CRIM1: variants seen among roughly 807,000 people sequenced by gnomAD.
The protein encoded by CRIM1 is cysteine-rich motor neuron 1 protein.
CRIM1 carries 32 observed loss-of-function variants against 116.4 expected under a neutral mutation model. That is an observed-to-expected ratio of 0.27 (90% confidence interval 0.21 to 0.37). CRIM1 has a LOEUF of 0.37. Ranked by LOEUF, CRIM1 falls within the 10% of genes least tolerant of loss-of-function variation. The probability of loss-of-function intolerance (pLI) is 1.00; values close to 1 mark genes in which losing one functional copy is unlikely to be tolerated. For missense variants in CRIM1, 1,331 were observed against 1,354.8 expected, an observed-to-expected ratio of 0.98 and a Z score of 0.28; for synonymous variants, 590 against 509.2, an observed-to-expected ratio of 1.16 and a Z score of -2.13.
intron 1 of CRIM1, among the ~76,000 whole-genome samples, chr2:36,386,686 A>C (rs899380239): frequency 2.6e-5 from 4 of 152,228 alleles, no homozygotes; most frequent in African/African-American, 9.6e-5. Context: ...GTAGATCGTT[A>C]GTTTCAAAGA....
chr2:36,390,805 C>T (rs1369825290), intron 1 of CRIM1, among the ~76,000 whole-genome samples: 1 of 151,960 alleles, frequency 6.6e-6, no homozygotes, highest in Non-Finnish European at 1.5e-5. Context: ...GCTCCTGATA[C>T]TTATTTTTAT....
At chr2:36,427,812 C>G (rs374118151) in intron 2 of CRIM1, among the ~76,000 whole-genome samples, 1 of 152,320 alleles carries the variant, frequency 6.6e-6, no homozygotes, top group Admixed American at 6.5e-5. Context: ...CCCTTGTATT[C>G]CATCTTGCAG....
At chr2:36,445,722 G>A (rs1676190657) in intron 4 of CRIM1, among the ~76,000 whole-genome samples, 1 of 152,074 alleles carries the variant, frequency 6.6e-6, no homozygotes. Flanking sequence ...ACTAAGGAGG[G>A]TGATGGGATG....
intron 1 of CRIM1, among the ~76,000 whole-genome samples, chr2:36,387,460 G>C (rs773001302): frequency 1.3e-5 from 2 of 152,158 alleles, no homozygotes; most frequent in South Asian, 2.1e-4. Context: ...CTTAATCATG[G>C]CATGTGTCTG....
At chr2:36,460,741 G>T (rs1247815421) in intron 4 of CRIM1, among the ~76,000 whole-genome samples, 1 of 152,166 alleles carries the variant, frequency 6.6e-6, no homozygotes, top group Non-Finnish European at 1.5e-5. Flanking sequence ...TTCCACTTAA[G>T]AAACATTTAT....
chr2:36,471,042 G>A (rs1415035723), intron 5 of CRIM1, among the ~76,000 whole-genome samples: 9 of 152,196 alleles, frequency 5.9e-5, no homozygotes, highest in Non-Finnish European at 1.3e-4. Context: ...GAAGGAGCAA[G>A]AGAACTAGAA....
intron 4 of CRIM1, among the ~76,000 whole-genome samples, chr2:36,451,838 A>G (rs186407167): frequency 1.1e-4 from 17 of 152,326 alleles, no homozygotes; most frequent in Non-Finnish European, 2.2e-4. Context: ...TGTCAGGGTC[A>G]TGTTCAGAGC....
At chr2:36,485,144 T>A (rs1040382153) in intron 7 of CRIM1, among the ~76,000 whole-genome samples, 3 of 152,228 alleles carry the variant, frequency 2.0e-5, no homozygotes, top group African/African-American at 7.2e-5. Context: ...AAGTAGAGGA[T>A]AGAGGAATAA....
At chr2:36,474,126 G>A (rs1678767046) in intron 5 of CRIM1, among the ~76,000 whole-genome samples, 1 of 151,994 alleles carries the variant, frequency 6.6e-6, no homozygotes, top group Admixed American at 6.6e-5. Context: ...TGTGTTTATT[G>A]TCCATTTCTG....
intron 2 of CRIM1, among the ~76,000 whole-genome samples, chr2:36,432,348 T>A (rs1263352323): frequency 6.6e-6 from 1 of 152,216 alleles, no homozygotes; most frequent in Non-Finnish European, 1.5e-5. Context: ...TTGTTACATT[T>A]TGAAATTTGT....
At chr2:36,407,547 G>A (rs1187112930) in intron 2 of CRIM1, among the ~76,000 whole-genome samples, 1 of 152,124 alleles carries the variant, frequency 6.6e-6, no homozygotes, top group African/African-American at 2.4e-5. Context: ...GCAGAAACCA[G>A]TTTCAAATTA....
At chr2:36,471,029 G>A (rs917405139) in intron 5 of CRIM1, among the ~76,000 whole-genome samples, 1 of 152,216 alleles carries the variant, frequency 6.6e-6, no homozygotes, top group Non-Finnish European at 1.5e-5. Flanking sequence ...TGCAGATGTA[G>A]TAGAAGGAGC....
Position 36,544,380 on chromosome 2 carries a change from G to A in CRIM1, c.2628G>A (p.Met876Ile). 1.5e-6 allele frequency: 2 copies of A among 1,349,452 alleles called. No homozygotes were observed. Among genetic ancestry groups the A allele is most frequent in the Admixed American group, 3.0e-5 (1 of 33,740 alleles). The allele number at this position is 1,349,452 out of a possible 1,614,324, so 83.6% of individuals were successfully genotyped here. Residue 876 changes from methionine (M) to isoleucine (I), a missense_variant, in exon 15 of 17, where the codon ATG becomes ATA. By Grantham distance (10) the Met-to-Ile change is conservative. This residue lies in a region of CRIM1 where 283 missense variants were observed against 242.8 expected (regional missense o/e 1.17). Coordinates refer to ENST00000280527, the MANE Select transcript of CRIM1 (RefSeq NM_016441.3). ...EGSCCPMCPE[M>I]YVPEPTNIPI... Reference sequence around the variant, plus strand: ...AAAAATGTTCCCTTCTTTTAGAAATGTATGTCCCAGAACCAACCAATATAC... The same window carrying A: ...AAAAATGTTCCCTTCTTTTAGAAATATATGTCCCAGAACCAACCAATATAC...
At chr2:36,451,116 A>G (rs934160692) in intron 4 of CRIM1, among the ~76,000 whole-genome samples, 8 of 152,228 alleles carry the variant, frequency 5.3e-5, no homozygotes, top group Non-Finnish European at 1.5e-5. Context: ...TAAAACAGTT[A>G]AATAATTACA....
chr2:36,447,226 C>G (rs996598537), intron 4 of CRIM1, among the ~76,000 whole-genome samples: 3 of 152,146 alleles, frequency 2.0e-5, no homozygotes, highest in African/African-American at 7.2e-5. Context: ...AAGGCTTCAA[C>G]CCAGGTTTTT....
intron 11 of CRIM1, 79 bp from the exon 12 acceptor site, chr2:36,517,248 A>G (rs1177813632): frequency 1.0e-5 from 12 of 1,159,832 alleles, no homozygotes; most frequent in Non-Finnish European, 1.4e-5. Flanking sequence ...TCTATCCCTT[A>G]AAGCAAACAG....
At chr2:36,544,600 GC>G in intron 15 of CRIM1, 102 bp downstream of exon 15, 1 of 1,193,620 alleles carries the variant, frequency 8.4e-7, no homozygotes, top group Non-Finnish European at 1.1e-6. Context: ...AAAATGACTT[GC>G]TGAAGTAAAT....
At chr2:36,395,019 T>G (rs1671914130) in intron 1 of CRIM1, among the ~76,000 whole-genome samples, 1 of 150,436 alleles carries the variant, frequency 6.6e-6, no homozygotes, top group African/African-American at 2.4e-5. Flanking sequence ...TCTTTTTTTT[T>G]TTTTTTTTTT....
chr2:36,506,182 C>T (rs568883618), intron 8 of CRIM1, among the ~76,000 whole-genome samples: 155 of 46,888 alleles, frequency 3.3e-3, no homozygotes, highest in South Asian at 7.5e-3. Context: ...CTCTCTCTCT[C>T]ACACACACAC....
Sources: gnomAD v4.1 joint callset for allele counts (sites outside exome capture counted in the v4.1 genomes callset) on GRCh38, gnomAD v4.1.1 for gene constraint, gnomAD v4.1.1 regional missense constraint, MANE v1.5 for transcripts, NCBI Gene and HGNC (gene_info 2026-07-23, HGNC 2026-07-21) for gene names.